WNT8A: variants seen among roughly 807,000 people sequenced by gnomAD.
The protein encoded by WNT8A is protein Wnt-8a.
Under a neutral mutation model 20.5 loss-of-function variants are expected in WNT8A, and 14 were observed. That is an observed-to-expected ratio of 0.68 (90% CI 0.45 to 1.07). WNT8A has a LOEUF of 1.07. Ranked by LOEUF, WNT8A falls within the 50% of genes least tolerant of loss-of-function variation. WNT8A has a pLI of 0.00. For synonymous variants in WNT8A, 167 were observed against 169.2 expected (o/e 0.99, Z 0.10); for missense variants, 397 against 462.9 (o/e 0.86, Z 1.31).
Position 138,084,114 on chromosome 5 carries a change from G to A in WNT8A, c.-14G>A. On this transcript the variant is annotated 5_prime_UTR_variant, in exon 1 of 5. Coordinates refer to ENST00000506684, the MANE Select transcript of WNT8A (RefSeq NM_001300939.2). ...GATGGGGAACCTGTTTATGCTCTGG[G>A]CAGCTCTGGGCATATGCTGTGCTGC... is the stretch of plus-strand genomic sequence containing the variant. The A allele has an allele frequency of 6.2e-7, 1 of 1,614,116 alleles. No individual in the cohort carries two copies. The highest frequency in any genetic ancestry group is 8.5e-7 in the Non-Finnish European group (1 of 1,180,000).
chr5:138,091,382 A>C lies in WNT8A; in HGVS notation c.*309A>C. 1 of 1,395,596 alleles carries C rather than the reference A, an allele frequency of 7.2e-7. No individual in the cohort carries two copies. Among genetic ancestry groups the C allele is most frequent in the Non-Finnish European group, 9.5e-7 (1 of 1,050,834 alleles). 86.5% of individuals were successfully genotyped at this position (1,395,596 alleles called of 1,614,324 possible). On this transcript the variant is annotated 3_prime_UTR_variant, in exon 5 of 5. Transcript: ENST00000506684. ...AGGGAGAGTTTGGTTTGGGGTCTAT[A>C]TCTAGAGGGACCTTCAAAGTATTTG...
In WNT8A at chr5:138,089,002, A is replaced by T. The variant is rs369423042; in HGVS notation, c.497A>T (p.Asp166Val). Reference sequence around the variant, plus strand: ...GAAAGGATCTCCAAACTCTTTGTGGACAGTTTGGAGAAGGGGAAGGATGCC... The same window carrying T: ...GAAAGGATCTCCAAACTCTTTGTGGTCAGTTTGGAGAAGGGGAAGGATGCC... ...FGERISKLFV[D>V]SLEKGKDARA... The change falls in exon 4 of 5, where the codon GAC becomes GTC. Residue 166 changes from aspartate to valine, a missense_variant. Asp to Val is a radical substitution (Grantham distance 152). Coordinates refer to ENST00000506684, the MANE Select transcript of WNT8A (RefSeq NM_001300939.2). The T allele has an allele frequency of 1.4e-5, 23 of 1,613,856 alleles. No homozygotes were observed. The highest frequency in any genetic ancestry group is 1.9e-5 in the Non-Finnish European group (22 of 1,180,046).
At chr5:138,084,819 A>G (rs1750608482) in intron 2 of WNT8A, among the ~76,000 whole-genome samples, 183 bp downstream of exon 2, 1 of 151,950 alleles carries the variant, frequency 6.6e-6, no homozygotes. Context: ...TCAGCCCCAG[A>G]TTTGTCATTT....
upstream of WNT8A, among the ~76,000 whole-genome samples, chr5:138,080,378 G>C (rs1004752686): frequency 7.2e-6 from 1 of 139,388 alleles, no homozygotes; most frequent in Non-Finnish European, 1.5e-5. Context: ...TCCAACGCTC[G>C]CAACTGAAGA....
chr5:138,088,858 G>C, intron 3 of WNT8A, 69 bp from the exon 4 acceptor site: 1 of 1,574,674 alleles, frequency 6.4e-7, no homozygotes, highest in Non-Finnish European at 8.6e-7. Flanking sequence ...GGCTCTTGGG[G>C]GTGGTTTGGC....
chr5:138,080,903 C>T (rs1235578231), upstream of WNT8A, among the ~76,000 whole-genome samples: 1 of 152,114 alleles, frequency 6.6e-6, no homozygotes, highest in East Asian at 1.9e-4. Flanking sequence ...CTCCTGATAC[C>T]TGGAGCAGAG....
chr5:138,091,316 T>C lies in WNT8A; in HGVS notation c.*243T>C, dbSNP rs759798829. 2 of 1,511,034 alleles carry C rather than the reference T, an allele frequency of 1.3e-6. No homozygotes were observed. The highest frequency in any genetic ancestry group is 1.4e-5 in the African/African-American group (1 of 73,018). The allele number at this position is 1,511,034 out of a possible 1,614,324, so 93.6% of individuals were successfully genotyped here. ...CCCCCATTTCATCTTTCCTGCAAAC[T>C]ACTTTCCCATCTTTGTGCCTGTACT... On this transcript the variant is annotated 3_prime_UTR_variant, in exon 5 of 5. Transcript: ENST00000506684.
intron 4 of WNT8A, among the ~76,000 whole-genome samples, chr5:138,090,095 C>T (rs1238981628): frequency 6.6e-6 from 1 of 152,248 alleles, no homozygotes; most frequent in Non-Finnish European, 1.5e-5. Flanking sequence ...AAAATACTCT[C>T]ATGCCCAGCC....
At chr5:138,079,464 C>T (rs1200953503), upstream of WNT8A, among the ~76,000 whole-genome samples, 2 of 151,644 alleles carry the variant, frequency 1.3e-5, no homozygotes, top group Non-Finnish European at 2.9e-5. Context: ...TATTTATACC[C>T]ATTATATCTA....
At chr5:138,087,462 G>A (rs1165808272) in intron 2 of WNT8A, among the ~76,000 whole-genome samples, 1 of 151,674 alleles carries the variant, frequency 6.6e-6, no homozygotes, top group African/African-American at 2.4e-5. Context: ...AGACCATCCT[G>A]GTCAACAAGG....
downstream of WNT8A, chr5:138,091,946 G>A (rs1186743300): frequency 1.5e-5 from 2 of 133,292 alleles, no homozygotes; most frequent in Non-Finnish European, 3.3e-5. Context: ...ATAACCTGGG[G>A]GTTTTTGCAG....
Position 138,090,860 on chromosome 5 carries a change from C to A in WNT8A, c.897C>A (p.Asn299Lys). 6.2e-7 allele frequency: 1 copy of A among 1,614,192 alleles called. No homozygotes were observed. Among genetic ancestry groups the A allele is most frequent in the Non-Finnish European group, 8.5e-7 (1 of 1,180,050 alleles). Residue 299 changes from asparagine (N) to lysine (K), a missense_variant, in exon 5 of 5, where the codon AAC becomes AAA. By Grantham distance (94) the Asn-to-Lys change is moderately conservative. Coordinates refer to ENST00000506684, the MANE Select transcript of WNT8A (RefSeq NM_001300939.2). ...GTGAGTGCCTACAGAACAGCCACAA[C>A]ACATCCAGGTGGGAGCGACGTAGCT... is the stretch of plus-strand genomic sequence containing the variant. ...EGRECLQNSHNTSRWERRSCG... is the reference protein window; with the variant it reads ...EGRECLQNSHKTSRWERRSCG...
At position 138,084,202 on chromosome 5, in the gene WNT8A, T is replaced by A; in HGVS notation, c.75T>A (p.His25Gln). The change falls in exon 1 of 5, where the codon CAT becomes CAA. Residue 25 changes from histidine to glutamine, a missense_variant. By Grantham distance (24) the His-to-Gln change is conservative. Transcript: ENST00000506684. ...TCACTCCTTGCCAAGGAGGCCCCCA[T>A]TGTCTCATCCCCATTCACCTCTGCC... Reference protein sequence around the residue: ...PTLTPCQGGPHCLIPIHLCLT... With the variant: ...PTLTPCQGGPQCLIPIHLCLT... 6.2e-7 allele frequency: 1 copy of A among 1,614,172 alleles called. No homozygotes were observed. The highest frequency in any genetic ancestry group is 1.7e-5 in the Admixed American group (1 of 60,020).
chr5:138,087,122 C>T (rs969532223), intron 2 of WNT8A, among the ~76,000 whole-genome samples: 2 of 151,556 alleles, frequency 1.3e-5, no homozygotes, highest in African/African-American at 2.4e-5. Flanking sequence ...CTTTGGGAGG[C>T]CAGGCAGGTG....
chr5:138,084,457 C>T, intron 1 of WNT8A, 41 bp from the exon 2 acceptor site: 1 of 1,566,546 alleles, frequency 6.4e-7, no homozygotes, highest in Middle Eastern at 1.7e-4. Flanking sequence ...CACAGATGAC[C>T]CATACCGGGC....
At chr5:138,080,444 GTTTTTTTTTTTTTTT>G (rs371833243), upstream of WNT8A, among the ~76,000 whole-genome samples, 5 of 55,974 alleles carry the variant, frequency 8.9e-5, no homozygotes, top group African/African-American at 3.3e-4. Flanking sequence ...TGTAAATCTT[GTTTTTTTTTTTTTTT>G]TTTTTTTTTG....
At chr5:138,080,703 C>T (rs189105211), upstream of WNT8A, among the ~76,000 whole-genome samples, 13 of 151,902 alleles carry the variant, frequency 8.6e-5, no homozygotes, top group Non-Finnish European at 1.3e-4. Flanking sequence ...TGAGCTCAGG[C>T]GATCCTCCCC....
chr5:138,091,825 TAAAAAATA>T (rs1750864257), downstream of WNT8A, among the ~76,000 whole-genome samples: 1 of 146,032 alleles, frequency 6.8e-6, no homozygotes, highest in Non-Finnish European at 1.5e-5. Flanking sequence ...AGACCCTGAC[TAAAAAATA>T]AATAAATAAA....
At chr5:138,087,126 G>T (rs1750691473) in intron 2 of WNT8A, among the ~76,000 whole-genome samples, 1 of 151,722 alleles carries the variant, frequency 6.6e-6, no homozygotes, top group African/African-American at 2.4e-5. Flanking sequence ...GGGAGGCCAG[G>T]CAGGTGGGTC....
Sources: allele counts gnomAD v4.1 joint callset (sites outside exome capture counted in the v4.1 genomes callset), GRCh38; gene constraint gnomAD v4.1.1; transcripts MANE v1.5; gene names NCBI Gene and HGNC (gene_info 2026-07-23, HGNC 2026-07-21).